Variants in FKBP8 observed in about 807,000 individuals in gnomAD.
FKBP8 encodes peptidyl-prolyl cis-trans isomerase FKBP8.
A neutral mutation model predicts 41.7 loss-of-function variants in FKBP8; 5 were observed. The observed-to-expected ratio is 0.12, with a 90% CI of 0.06 to 0.25. The LOEUF is 0.25. FKBP8 is among the 10% of genes least tolerant of loss of function. The probability of loss-of-function intolerance (pLI) is 1.00; values close to 1 mark genes in which losing one functional copy is unlikely to be tolerated. For synonymous variants in FKBP8, 279 were observed against 254.5 expected, an observed-to-expected ratio of 1.10 and a Z score of -0.92; for missense variants, 397 against 563.0, an observed-to-expected ratio of 0.71 and a Z score of 2.98.
chr19:18,539,350 C>T (rs779707759), intron 4 of FKBP8, 21 bp downstream of exon 4: 1 of 1,605,262 alleles, frequency 6.2e-7, no homozygotes, highest in Admixed American at 1.7e-5. Context: ...CTGCAGAGAC[C>T]TAAGGGTGGC....
intron 4 of FKBP8, 144 bp downstream of exon 4, chr19:18,539,227 G>T: frequency 1.4e-6 from 1 of 735,444 alleles, no homozygotes; most frequent in Non-Finnish European, 2.3e-6. Flanking sequence ...CCAAAGTGCT[G>T]GGATTTCAGG....
chr19:18,537,316 G>A lies in FKBP8; in HGVS notation c.945+285C>T. ...AGATCACACCACTGCACTCCAGCCT[G>A]GGTGACAGAGTGAGACTCTGTCTCA... is the stretch of plus-strand genomic sequence containing the variant. On this transcript the variant is annotated intron_variant, in intron 6 of 8. Coordinates refer to ENST00000608443, the MANE Select transcript of FKBP8 (RefSeq NM_012181.5). The surrounding 1 kb of genome is among the most constrained non-coding windows in gnomAD (Gnocchi z 4.4). Among the ~76,000 whole-genome samples, 1 of 137,906 alleles carries A rather than the reference G, an allele frequency of 7.3e-6. No individual in the cohort carries two copies. Among genetic ancestry groups the A allele is most frequent in the South Asian group, 2.1e-4 (1 of 4,818 alleles). 90.5% of individuals were successfully genotyped at this position (137,906 alleles called of 152,430 possible).
chr19:18,540,087 G>T (rs978266940), intron 2 of FKBP8, among the ~76,000 whole-genome samples: 1 of 151,870 alleles, frequency 6.6e-6, no homozygotes, highest in Non-Finnish European at 1.5e-5. Flanking sequence ...TCAGCCCAGC[G>T]TCTGGGCAAA....
chr19:18,533,708 A>G (rs1236463532), intron 6 of FKBP8, among the ~76,000 whole-genome samples: 2 of 151,628 alleles, frequency 1.3e-5, no homozygotes, highest in Non-Finnish European at 2.9e-5. Flanking sequence ...TGTCTTAAAA[A>G]AAGAAAAAAA....
rs201710065 is a variant in FKBP8, at chr19:18,538,380, G to A, written c.608C>T (p.Thr203Met). ...CTCCAGGTCAGGCCCGTCCACAGCC[G>A]TCTTCAGGGTCACCTCCAGGCACAG... ...AALCLEVTLK[T>M]AVDGPDLEML... The change falls in exon 5 of 9, where the codon ACG (threonine) becomes ATG (methionine). Residue 203 changes from threonine (T) to methionine (M), a missense_variant. Thr to Met is a moderately conservative substitution (Grantham distance 81, BLOSUM62 -1). Transcript: ENST00000608443. This position sits in a 1 kb window ranked among gnomAD's most constrained non-coding sequence, Gnocchi z 4.0. The A allele has an allele frequency of 1.7e-5, 28 of 1,613,566 alleles. No homozygotes were observed. In the East Asian group the frequency reaches 2.5e-4, roughly 14 times the overall value.
chr19:18,543,340 G>A (rs959843008), intron 1 of FKBP8, 146 bp downstream of exon 1: 1 of 47,082 alleles, frequency 2.1e-5, no homozygotes, highest in East Asian at 8.6e-4. Context: ...GGGCACCCCC[G>A]ACCCCCGTGC....
chr19:18,543,346 C>A (rs1176168154), intron 1 of FKBP8, 140 bp downstream of exon 1: 17 of 123,894 alleles, frequency 1.4e-4, no homozygotes, highest in African/African-American at 5.2e-4. Context: ...CCCCGACCCC[C>A]GTGCCCCCCC....
chr19:18,536,824 G>A lies in FKBP8; in HGVS notation c.945+777C>T, dbSNP rs947192740. Among the ~76,000 whole-genome samples the A allele has an allele frequency of 5.9e-5, 9 of 152,258 alleles. No homozygotes were observed. The East Asian group carries it at 1.5e-3, about 26-fold the overall frequency. On this transcript the variant is annotated intron_variant, in intron 6 of 8. Coordinates refer to ENST00000608443, the MANE Select transcript of FKBP8 (RefSeq NM_012181.5). ...CTGCCTGTCAGGAACATCTCAGACAGTCGGCAATGCCTACGCAAAGGCCCT... is the reference window on the plus strand; with the variant it reads ...CTGCCTGTCAGGAACATCTCAGACAATCGGCAATGCCTACGCAAAGGCCCT...
chr19:18,534,854 C>T (rs760736378), intron 6 of FKBP8, among the ~76,000 whole-genome samples: 12 of 152,036 alleles, frequency 7.9e-5, no homozygotes, highest in Admixed American at 2.6e-4. Context: ...GTGGCACGAT[C>T]TTGGCTCAAT....
chr19:18,539,918 G>T (rs1395208767), intron 2 of FKBP8, among the ~76,000 whole-genome samples, 198 bp from the exon 3 acceptor site: 1 of 152,236 alleles, frequency 6.6e-6, no homozygotes, highest in Non-Finnish European at 1.5e-5. Context: ...CACTGGGCAG[G>T]ATGGGACAGA....
At chr19:18,534,863 ATG>A (rs1976536388) in intron 6 of FKBP8, among the ~76,000 whole-genome samples, 1 of 151,434 alleles carries the variant, frequency 6.6e-6, no homozygotes, top group South Asian at 2.1e-4. Context: ...TCTTGGCTCA[ATG>A]CAAGCTCTGC....
At chr19:18,543,044 C>A in intron 1 of FKBP8, 1 of 389,708 alleles carries the variant, frequency 2.6e-6, no homozygotes, top group Non-Finnish European at 4.4e-6. Context: ...ACAGCCGCTC[C>A]GTCTCGCCGT....
At chr19:18,539,859 A>C in intron 2 of FKBP8, 139 bp from the exon 3 acceptor site, 10 of 962,068 alleles carry the variant, frequency 1.0e-5, no homozygotes, top group South Asian at 1.5e-5. Flanking sequence ...CACAAACCAA[A>C]CTTCCAATGG....
At chr19:18,533,723 A>T (rs1226889669) in intron 6 of FKBP8, among the ~76,000 whole-genome samples, 1 of 151,028 alleles carries the variant, frequency 6.6e-6, no homozygotes, top group African/African-American at 2.4e-5. Flanking sequence ...AAAAAAAAAA[A>T]GGGTCGGGCG....
At chr19:18,541,656 C>A (rs941202991) in intron 2 of FKBP8, 23 bp downstream of exon 2, 2 of 1,579,228 alleles carry the variant, frequency 1.3e-6, no homozygotes, top group Admixed American at 1.7e-5. Flanking sequence ...CCAAGGGCAC[C>A]CTGATCCACC....
Position 18,538,158 on chromosome 19 carries a change from T to C in FKBP8, c.772+58A>G. 1.3e-6 allele frequency: 2 copies of C among 1,514,332 alleles called. No individual in the cohort carries two copies. Among genetic ancestry groups the C allele is most frequent in the Non-Finnish European group, 1.8e-6 (2 of 1,114,908 alleles). 93.8% of individuals were successfully genotyped at this position (1,514,332 alleles called of 1,614,324 possible). A position where few individuals can be genotyped will look rare whatever the true frequency, so the allele number is the denominator to read the frequency against. ...GAGGCTCTCTGGGGCTGGAAGTTTC[T>C]GGCACGGAGTGGACACCTTTGCAGG... On this transcript the variant is annotated intron_variant, in intron 5 of 8. Transcript: ENST00000608443. This position sits in a 1 kb window ranked among gnomAD's most constrained non-coding sequence, Gnocchi z 4.0.
At chr19:18,539,780 CCT>C (rs1976659063) in intron 2 of FKBP8, 60 bp from the exon 3 acceptor site, 49 of 1,575,058 alleles carry the variant, frequency 3.1e-5, no homozygotes, top group Admixed American at 8.4e-5. Context: ...CACCCGCTCC[CCT>C]GAGCCCCCAC....
At chr19:18,532,315 C>T (rs1484795010) in intron 8 of FKBP8, 60 bp from the exon 9 acceptor site, 3 of 1,455,744 alleles carry the variant, frequency 2.1e-6, no homozygotes, top group African/African-American at 2.8e-5. Flanking sequence ...CCTCTGGGGC[C>T]TCAGCTGCCA....
At position 18,541,760 on chromosome 19, in the gene FKBP8, C is replaced by T; in HGVS notation, c.211G>A (p.Ala71Thr). 6.2e-7 allele frequency: 1 copy of T among 1,613,962 alleles called. No individual in the cohort carries two copies. Among genetic ancestry groups the T allele is most frequent in the Non-Finnish European group, 8.5e-7 (1 of 1,179,982 alleles). Reference protein sequence around the residue: ...PPAEEAEQPGALAREFLAAME... With the variant: ...PPAEEAEQPGTLAREFLAAME... ...GCAGCAAGGAACTCTCGGGCCAGGGCCCCAGGCTGCTCAGCCTCCTCCGCC... is the reference window on the plus strand; with the variant it reads ...GCAGCAAGGAACTCTCGGGCCAGGGTCCCAGGCTGCTCAGCCTCCTCCGCC... Residue 71 changes from alanine to threonine, a missense_variant, in exon 2 of 9, where the codon GCC (alanine) becomes ACC (threonine). Ala to Thr is a moderately conservative substitution (Grantham distance 58). Around this residue, in one of 2 missense-constraint regions of FKBP8, gnomAD observed 172 missense variants for 196.2 expected, o/e 0.88. Transcript: ENST00000608443.
Sources: gnomAD v4.1 joint callset for allele counts (sites outside exome capture counted in the v4.1 genomes callset) on GRCh38, gnomAD v4.1.1 for gene constraint, gnomAD v4.1.1 regional missense constraint, Gnocchi (gnomAD v3.1) non-coding constraint, MANE v1.5 for transcripts, NCBI Gene and HGNC (gene_info 2026-07-23, HGNC 2026-07-21) for gene names.